Variants in RIMS3 observed in about 807,000 individuals in gnomAD.
RIMS3 encodes the protein regulating synaptic membrane exocytosis 3.
A neutral mutation model predicts 29.2 loss-of-function variants in RIMS3; 15 were observed. That is an observed-to-expected ratio of 0.51 (90% CI 0.34 to 0.79). RIMS3 has a LOEUF of 0.79. RIMS3 is among the 30% of genes least tolerant of loss of function. The pLI is 0.01. For synonymous variants in RIMS3, 161 were observed against 170.1 expected, an observed-to-expected ratio of 0.95 and a Z score of 0.41; for missense variants, 342 against 421.4, an observed-to-expected ratio of 0.81 and a Z score of 1.65.
chr1:40,689,312 C>T, the RIMS3 span, among the ~76,000 whole-genome samples: 3 of 152,040 alleles, frequency 2.0e-5, no homozygotes, highest in African/African-American at 7.2e-5. Flanking sequence ...GACAGAGTCT[C>T]ACTCTGTCGC....
At chr1:40,687,308 T>C in the RIMS3 span, among the ~76,000 whole-genome samples, 1 of 79,678 alleles carries the variant, frequency 1.3e-5, no homozygotes, top group Admixed American at 1.1e-4. Flanking sequence ...TACTTAAAGA[T>C]GGTTAAATTT....
chr1:40,653,429 C>G (rs549841374), intron 1 of RIMS3, among the ~76,000 whole-genome samples: 1 of 152,068 alleles, frequency 6.6e-6, no homozygotes. Context: ...ATATTGAGAC[C>G]GAGAAGAGGC....
At position 40,634,430 on chromosome 1, in the gene RIMS3, CTT is replaced by C. The variant is rs539351795; in HGVS notation, c.360-1251_360-1250del. Among the ~76,000 whole-genome samples the C allele has an allele frequency of 2.8e-3, 427 of 152,272 alleles. 3 individuals are homozygous for C. Among genetic ancestry groups the C allele is most frequent in the African/African-American group, 9.8e-3 (408 of 41,546 alleles). On this transcript the variant is annotated intron_variant, in intron 4 of 7. Coordinates refer to ENST00000372684, the MANE Select transcript of RIMS3 (RefSeq NM_014747.3). ...TATCTGAGAAGGTTAAATAAAGAAA[CTT>C]AGACTCTCAAGGTCACAGAATTTTA...
At chr1:40,660,405 T>G (rs1570204598) in intron 1 of RIMS3, among the ~76,000 whole-genome samples, 1 of 143,374 alleles carries the variant, frequency 7.0e-6, no homozygotes. Context: ...TGAGACAGGG[T>G]CTCGCTTTGT....
chr1:40,629,205 C>G, intron 6 of RIMS3, 66 bp downstream of exon 6: 1 of 1,380,886 alleles, frequency 7.2e-7, no homozygotes, highest in Admixed American at 1.7e-5. Context: ...GAGCTGAGGA[C>G]CTGCTAGACC....
At chr1:40,634,322 C>T (rs927790364) in intron 4 of RIMS3, among the ~76,000 whole-genome samples, 1 of 152,166 alleles carries the variant, frequency 6.6e-6, no homozygotes, top group African/African-American at 2.4e-5. Context: ...GCCCAGCCTC[C>T]ACCCCACAGG....
chr1:40,690,714 G>A, the RIMS3 span: 151 of 152,278 alleles, frequency 9.9e-4, no homozygotes, highest in African/African-American at 3.5e-3. Flanking sequence ...TATCACCAGG[G>A]TTATAAACCC....
chr1:40,649,979 C>T (rs1044719176), intron 1 of RIMS3, among the ~76,000 whole-genome samples: 2 of 147,516 alleles, frequency 1.4e-5, no homozygotes, highest in African/African-American at 2.6e-5. Context: ...AAGGCATGGT[C>T]CCTGCAAGAC....
At chr1:40,679,649 C>T in the RIMS3 span, among the ~76,000 whole-genome samples, 1 of 152,228 alleles carries the variant, frequency 6.6e-6, no homozygotes, top group East Asian at 1.9e-4. Context: ...TAGAGCAGGG[C>T]TGAGCCAAAT....
At position 40,623,509 on chromosome 1, in the gene RIMS3, G is replaced by A. The variant is rs1646434846; in HGVS notation, c.*3008C>T. On this transcript the variant is annotated 3_prime_UTR_variant, in exon 8 of 8. Coordinates refer to ENST00000372684, the MANE Select transcript of RIMS3 (RefSeq NM_014747.3). Reference sequence around the variant, plus strand: ...GCCATATGCACAGTGAACCTCGCCTGACCAGAGGAGGTGGAATGACAAAGA... The same window carrying A: ...GCCATATGCACAGTGAACCTCGCCTAACCAGAGGAGGTGGAATGACAAAGA... 3 of 398,546 alleles carry A rather than the reference G, an allele frequency of 7.5e-6. No homozygotes were observed. The highest frequency in any genetic ancestry group is 1.3e-5 in the Non-Finnish European group (3 of 226,118). The allele number at this position is 398,546 out of a possible 1,614,324, so 24.7% of individuals were successfully genotyped here. A position where few individuals can be genotyped will look rare whatever the true frequency, so the allele number is the denominator to read the frequency against.
chr1:40,620,716 C>G lies in RIMS3; in HGVS notation c.*5801G>C, dbSNP rs1646415734. 2.0e-5 allele frequency: 3 copies of G among 152,588 alleles called. No homozygotes were observed. In the South Asian group the frequency reaches 6.2e-4, roughly 32 times the overall value. The allele number at this position is 152,588 out of a possible 1,614,324, so 9.5% of individuals were successfully genotyped here. A position where few individuals can be genotyped will look rare whatever the true frequency, so the allele number is the denominator to read the frequency against. On this transcript the variant is annotated 3_prime_UTR_variant, in exon 8 of 8. Coordinates refer to ENST00000372684, the MANE Select transcript of RIMS3 (RefSeq NM_014747.3). Reference sequence around the variant, plus strand: ...CTGACTTTAATCATGTTTTGCTGCCCAAATACTGTACATGCAGAAGCCATG... The same window carrying G: ...CTGACTTTAATCATGTTTTGCTGCCGAAATACTGTACATGCAGAAGCCATG...
chr1:40,642,050 T>C, intron 2 of RIMS3, 94 bp from the exon 3 acceptor site: 1 of 726,736 alleles, frequency 1.4e-6, no homozygotes, highest in Non-Finnish European at 2.4e-6. Context: ...CTTGGGCTAG[T>C]CACTTGACCT....
chr1:40,640,047 T>A (rs1028505022), intron 3 of RIMS3, among the ~76,000 whole-genome samples: 2 of 152,164 alleles, frequency 1.3e-5, no homozygotes, highest in African/African-American at 4.8e-5. Flanking sequence ...CAGGTCCCCA[T>A]CCTGGCCTTG....
chr1:40,624,787 G>A lies in RIMS3; in HGVS notation c.*1730C>T, dbSNP rs112269065. The A allele has an allele frequency of 0.012, 1,759 of 152,766 alleles. 20 individuals are homozygous for A. The highest frequency in any genetic ancestry group is 0.034 in the Middle Eastern group (10 of 294). 9.5% of individuals were successfully genotyped at this position (152,766 alleles called of 1,614,324 possible). ...ATCCATAAGGCGCCACTGCCTCCATGCCCCTACAACTTTGGTTATGAATGG... is the reference window on the plus strand; with the variant it reads ...ATCCATAAGGCGCCACTGCCTCCATACCCCTACAACTTTGGTTATGAATGG... On this transcript the variant is annotated 3_prime_UTR_variant, in exon 8 of 8. Transcript: ENST00000372684.
the RIMS3 span, among the ~76,000 whole-genome samples, chr1:40,685,188 C>T: frequency 6.6e-6 from 1 of 151,400 alleles, no homozygotes; most frequent in Non-Finnish European, 1.5e-5. Flanking sequence ...AGGATGCATC[C>T]TGTCCTCTTT....
At chr1:40,655,743 G>A (rs985139002) in intron 1 of RIMS3, among the ~76,000 whole-genome samples, 6 of 152,132 alleles carry the variant, frequency 3.9e-5, no homozygotes, top group Non-Finnish European at 2.9e-5. Context: ...GGTGGCTCAC[G>A]CCTGTAATCC....
chr1:40,665,262 A>ACCCCCG (rs933228287), intron 1 of RIMS3, 132 bp downstream of exon 1: 2 of 28,258 alleles, frequency 7.1e-5, no homozygotes, highest in Non-Finnish European at 1.5e-4. Context: ...TCATCCCCCC[A>ACCCCCG]CCCCCGCCCC....
the RIMS3 span, among the ~76,000 whole-genome samples, chr1:40,682,264 C>T: frequency 6.6e-6 from 1 of 152,168 alleles, no homozygotes; most frequent in South Asian, 2.1e-4. Flanking sequence ...TAATTAAGTA[C>T]CTATTATGGT....
rs754002517 is a variant in RIMS3 at position 40,641,976 on chromosome 1, A to G, written c.-31-20T>C. ...GCAGCTCTGAAGATGGGCAGGAAAC[A>G]AAAGGATCCCACATCAGACCTGGAT... On this transcript the variant is annotated intron_variant, in intron 2 of 7. Transcript: ENST00000372684. 1.3e-5 allele frequency: 19 copies of G among 1,480,748 alleles called. 1 individual carries two copies. The highest frequency in any genetic ancestry group is 4.5e-4 in the Middle Eastern group (2 of 4,450). The allele number at this position is 1,480,748 out of a possible 1,614,324, so 91.7% of individuals were successfully genotyped here.
Sources: gnomAD v4.1 joint callset for allele counts (sites outside exome capture counted in the v4.1 genomes callset) on GRCh38, gnomAD v4.1.1 for gene constraint, MANE v1.5 for transcripts, NCBI Gene and HGNC (gene_info 2026-07-23, HGNC 2026-07-21) for gene names.